CFAP20DC: variants seen among roughly 807,000 people sequenced by gnomAD.
The protein encoded by CFAP20DC is protein CFAP20DC.
Under a neutral mutation model 101.7 loss-of-function variants are expected in CFAP20DC, and 84 were observed. The ratio of observed to expected loss-of-function variants is 0.83; its 90% CI spans 0.69 to 0.99. The LOEUF (loss-of-function observed/expected upper bound fraction) is 0.99, where lower values mean the gene tolerates loss of function less well. Ranked by LOEUF, CFAP20DC falls within the 50% of genes least tolerant of loss-of-function variation. The pLI, the probability that CFAP20DC is intolerant of heterozygous loss-of-function variation, is 0.00. For synonymous variants in CFAP20DC, 359 were observed against 351.2 expected, an observed-to-expected ratio of 1.02 and a Z score of -0.25; for missense variants, 1,007 against 970.3, an observed-to-expected ratio of 1.04 and a Z score of -0.50.
At chr3:59,020,701 A>T (rs1447541833) in intron 4 of CFAP20DC, among the ~76,000 whole-genome samples, 1 of 152,076 alleles carries the variant, frequency 6.6e-6, no homozygotes, top group Non-Finnish European at 1.5e-5. Flanking sequence ...TAGAAGTAAC[A>T]TGTGCCACAC....
At chr3:59,000,211 C>A (rs2093270038) in intron 4 of CFAP20DC, among the ~76,000 whole-genome samples, 1 of 152,154 alleles carries the variant, frequency 6.6e-6, no homozygotes, top group Non-Finnish European at 1.5e-5. Context: ...TGCTTCATTC[C>A]CAAATAAACA....
intron 4 of CFAP20DC, among the ~76,000 whole-genome samples, chr3:58,960,952 T>C (rs749389624): frequency 9.9e-5 from 15 of 152,154 alleles, no homozygotes; most frequent in Non-Finnish European, 1.6e-4. Flanking sequence ...TCATCAGAAA[T>C]GGATGTTAGA....
chr3:58,987,883 G>C (rs1029209234), intron 4 of CFAP20DC, among the ~76,000 whole-genome samples: 3 of 151,886 alleles, frequency 2.0e-5, no homozygotes, highest in Non-Finnish European at 2.9e-5. Context: ...TTAAAGACAA[G>C]TTCTACCAAA....
rs955168596 is a variant in CFAP20DC, at chr3:58,897,626, T to C, written c.551-12917A>G. ...TTGTCTGAAAATTATCTTATTTCTT[T>C]TCACTTTTGAAGGTTAGTTTGGCCA... On this transcript the variant is annotated intron_variant, in intron 6 of 16. Coordinates refer to ENST00000482387, the MANE Select transcript of CFAP20DC (RefSeq NM_001394063.1). The surrounding 1 kb of genome is among the most constrained non-coding windows in gnomAD (Gnocchi z 4.4). 3.3e-5 allele frequency among the ~76,000 whole-genome samples: 5 copies of C among 152,236 alleles called. No individual in the cohort carries two copies. Among genetic ancestry groups the C allele is most frequent in the African/African-American group, 9.6e-5 (4 of 41,466 alleles).
intron 6 of CFAP20DC, among the ~76,000 whole-genome samples, chr3:58,905,736 G>C (rs963304284): frequency 1.3e-5 from 2 of 152,158 alleles, no homozygotes; most frequent in African/African-American, 4.8e-5. Context: ...TCCCAGTGTG[G>C]AATTTAAGAA....
At chr3:58,757,718 T>C (rs1396542602) in intron 15 of CFAP20DC, among the ~76,000 whole-genome samples, 1 of 152,052 alleles carries the variant, frequency 6.6e-6, no homozygotes, top group Non-Finnish European at 1.5e-5. Context: ...ATGGTGTGAG[T>C]TTGTTCTGGT....
rs1554909 is a variant in CFAP20DC at position 58,849,098 on chromosome 3, A to G, written c.1905T>C (p.Ala635=). Residue 635 remains alanine (A), a synonymous_variant, in exon 13 of 17, where the codon GCT becomes GCC. Transcript: ENST00000482387. ...AKDLSAQQVP[A]SLNKTSLKEI... is the part of the protein sequence containing the mutation. ...CTTTCAGGGAGGTTTTGTTTAGTGAAGCTGGCACTTGCTGGGCTGATAGAT... is the reference window on the plus strand; with the variant it reads ...CTTTCAGGGAGGTTTTGTTTAGTGAGGCTGGCACTTGCTGGGCTGATAGAT... The G allele has an allele frequency of 0.061, 93,951 of 1,535,962 alleles. 7,014 individuals are homozygous for G. The highest frequency in any genetic ancestry group is 0.37 in the East Asian group (15,230 of 40,892).
chr3:58,801,878 C>T (rs916087666), intron 15 of CFAP20DC, among the ~76,000 whole-genome samples: 5 of 152,198 alleles, frequency 3.3e-5, no homozygotes, highest in Non-Finnish European at 5.9e-5. Flanking sequence ...TTAAAAACTA[C>T]AGATAAGTGA....
chr3:58,772,012 T>C (rs1412350494), intron 15 of CFAP20DC, among the ~76,000 whole-genome samples: 1 of 152,200 alleles, frequency 6.6e-6, no homozygotes, highest in Admixed American at 6.5e-5. Context: ...TTTCTTTTGT[T>C]AGTTTGACTC....
chr3:58,801,105 G>A (rs775892073), intron 15 of CFAP20DC, among the ~76,000 whole-genome samples: 1 of 151,894 alleles, frequency 6.6e-6, no homozygotes, highest in African/African-American at 2.4e-5. Flanking sequence ...CTGCCTTAGA[G>A]GAACTTGGTG....
At position 58,733,026 on chromosome 3, in the gene CFAP20DC, A is replaced by G. The variant is rs115734561; in HGVS notation, c.198-15398T>C. Among the ~76,000 whole-genome samples the G allele has an allele frequency of 1.3e-3, 202 of 152,352 alleles. 1 individual carries two copies. Among genetic ancestry groups the G allele is most frequent in the African/African-American group, 4.7e-3 (197 of 41,586 alleles). On this transcript the variant is annotated intron_variant, in intron 3 of 3. Transcript: ENST00000486145. ...GTCTACGGGGAAGAGAGCCAGTCTG[A>G]AATTGTATAAAATCTTGATTATAGG... is the stretch of plus-strand genomic sequence containing the variant.
intron 6 of CFAP20DC, among the ~76,000 whole-genome samples, chr3:58,890,587 G>A (rs1350687157): frequency 2.3e-4 from 35 of 151,462 alleles, no homozygotes; most frequent in African/African-American, 3.4e-4. Flanking sequence ...CCTCCCTCCC[G>A]GACGGGGTGG....
At chr3:58,940,897 T>C (rs2107830497) in intron 4 of CFAP20DC, among the ~76,000 whole-genome samples, 1 of 152,348 alleles carries the variant, frequency 6.6e-6, no homozygotes. Context: ...TCACATGATA[T>C]GTATCTCCAA....
chr3:58,740,742 C>G (rs150325930), downstream of CFAP20DC, among the ~76,000 whole-genome samples: 2 of 151,956 alleles, frequency 1.3e-5, no homozygotes, highest in South Asian at 4.2e-4. This position sits in a 1 kb window ranked among gnomAD's most constrained non-coding sequence, Gnocchi z 4.6. Flanking sequence ...CAAGTCTTCA[C>G]GAATATAAAT....
chr3:58,843,812 C>T (rs1243698180), intron 13 of CFAP20DC, among the ~76,000 whole-genome samples: 1 of 147,182 alleles, frequency 6.8e-6, no homozygotes, highest in Non-Finnish European at 1.5e-5. Flanking sequence ...AACAGCGGAT[C>T]TCTCGGCAGA....
chr3:58,945,295 T>C (rs554670405), intron 4 of CFAP20DC, among the ~76,000 whole-genome samples: 16 of 152,288 alleles, frequency 1.1e-4, no homozygotes, highest in African/African-American at 2.6e-4. Context: ...AACACATGCA[T>C]AGTAGAATGA....
At chr3:58,926,856 G>T (rs143271279) in intron 5 of CFAP20DC, among the ~76,000 whole-genome samples, 1 of 152,228 alleles carries the variant, frequency 6.6e-6, no homozygotes, top group Non-Finnish European at 1.5e-5. Flanking sequence ...ATATCACTTT[G>T]TTATATCTCC....
chr3:58,731,886 A>G (rs1001874667), intron 3 of CFAP20DC, among the ~76,000 whole-genome samples: 2 of 152,230 alleles, frequency 1.3e-5, no homozygotes, highest in Non-Finnish European at 2.9e-5. Flanking sequence ...CAATAGTGCC[A>G]CCAACAGTTA....
At chr3:58,930,787 C>T (rs116835613) in intron 5 of CFAP20DC, among the ~76,000 whole-genome samples, 1 of 152,000 alleles carries the variant, frequency 6.6e-6, no homozygotes, top group Non-Finnish European at 1.5e-5. Context: ...GCAGGACTGG[C>T]AGCCAAGATG....
Sources: gnomAD v4.1 joint callset for allele counts (sites outside exome capture counted in the v4.1 genomes callset) on GRCh38, gnomAD v4.1.1 for gene constraint, Gnocchi (gnomAD v3.1) non-coding constraint, MANE v1.5 for transcripts, NCBI Gene and HGNC (gene_info 2026-07-23, HGNC 2026-07-21) for gene names.